The following ANKAR variants were observed in gnomAD, a reference collection of about 807,000 sequenced individuals.
ANKAR encodes the protein ankyrin and armadillo repeat-containing protein.
ANKAR carries 136 observed loss-of-function variants against 146.2 expected under a neutral mutation model. The ratio of observed to expected loss-of-function variants is 0.93; its 90% CI spans 0.81 to 1.07. The LOEUF (loss-of-function observed/expected upper bound fraction) is 1.07, where lower values mean the gene tolerates loss of function less well. Ranked by LOEUF, ANKAR falls within the 50% of genes least tolerant of loss-of-function variation. The pLI is 0.00. For missense variants in ANKAR, 1,567 were observed against 1,679.9 expected (o/e 0.93, Z 1.18); for synonymous variants, 500 against 575.8 (o/e 0.87, Z 1.88).
rs62185873 is a variant in ANKAR at position 189,704,230 on chromosome 2, C to T, written c.1709-793C>T. 6.0e-3 allele frequency among the ~76,000 whole-genome samples: 904 copies of T among 151,796 alleles called. 1 individual carries two copies. Among genetic ancestry groups the T allele is most frequent in the Non-Finnish European group, 0.01 (703 of 67,910 alleles). On this transcript the variant is annotated intron_variant, in intron 7 of 22. Transcript: ENST00000684021. ...GATCTCTGCTCACTACAACCTCCGC[C>T]TCCCAGGCTCAAGCGATTCTCCTGC...
downstream of ANKAR, chr2:189,761,748 A>G (rs1294219451): frequency 3.7e-6 from 5 of 1,338,896 alleles, no homozygotes; most frequent in African/African-American, 4.5e-5. Context: ...GAATTACAGG[A>G]AAGTTTGTAA....
At chr2:189,741,560 A>T in intron 20 of ANKAR, 109 bp downstream of exon 20, 1 of 608,540 alleles carries the variant, frequency 1.6e-6, no homozygotes, top group Non-Finnish European at 2.7e-6. Context: ...TAGATATAAT[A>T]TAATTCTTAT....
At chr2:189,745,622 A>G (rs1005740921) in intron 22 of ANKAR, among the ~76,000 whole-genome samples, 2 of 152,210 alleles carry the variant, frequency 1.3e-5, no homozygotes, top group African/African-American at 4.8e-5. Context: ...TTAATTTCAC[A>G]TATCTGCTTA....
rs151026478 is a variant in ANKAR, at chr2:189,683,087, G to A, written c.601+5996G>A. 1.4e-3 allele frequency among the ~76,000 whole-genome samples: 212 copies of A among 152,216 alleles called. 1 individual carries two copies. Among genetic ancestry groups the A allele is most frequent in the African/African-American group, 4.6e-3 (193 of 41,538 alleles). On this transcript the variant is annotated intron_variant, in intron 2 of 22. Coordinates refer to ENST00000684021, the MANE Select transcript of ANKAR (RefSeq NM_001378068.1). ...CTGCCTTGTCCCTCCCACCCTGTAC[G>A]GATACAGCAAGAAGGTACCGTCTAT...
intron 17 of ANKAR, among the ~76,000 whole-genome samples, chr2:189,737,384 A>G (rs968120861): frequency 1.7e-4 from 22 of 127,134 alleles, no homozygotes; most frequent in African/African-American, 6.2e-4. Context: ...TCCTTAAAAT[A>G]TAGTACAATG....
At chr2:189,726,649 C>T (rs774637435) in intron 12 of ANKAR, among the ~76,000 whole-genome samples, 5 of 152,140 alleles carry the variant, frequency 3.3e-5, no homozygotes, top group Non-Finnish European at 5.9e-5. Flanking sequence ...AAGTGCAATA[C>T]ATGGTCCTGG....
intron 3 of ANKAR, among the ~76,000 whole-genome samples, chr2:189,691,682 TATAC>T (rs947376961): frequency 7.4e-5 from 11 of 148,288 alleles, no homozygotes; most frequent in Admixed American, 2.7e-4. Context: ...ATATTGTATA[TATAC>T]ATACATATAT....
downstream of ANKAR, among the ~76,000 whole-genome samples, chr2:189,749,963 A>G (rs2044874733): frequency 6.6e-6 from 1 of 152,128 alleles, no homozygotes; most frequent in Non-Finnish European, 1.5e-5. Flanking sequence ...CTCTACTAAA[A>G]AAACAAAAAA....
At chr2:189,708,242 T>C (rs543009560) in intron 9 of ANKAR, among the ~76,000 whole-genome samples, 1 of 152,356 alleles carries the variant, frequency 6.6e-6, no homozygotes, top group South Asian at 2.1e-4. Flanking sequence ...GTGGTTTTGG[T>C]TACCTGCAGT....
In ANKAR at chr2:189,705,350, T is replaced by C. The variant is rs946478026; in HGVS notation, c.1910+126T>C. 7 of 919,554 alleles carry C rather than the reference T, an allele frequency of 7.6e-6. No individual in the cohort carries two copies. The Admixed American group carries it at 1.0e-4, about 13-fold the overall frequency. The allele number at this position is 919,554 out of a possible 1,614,324, so 57.0% of individuals were successfully genotyped here. A position where few individuals can be genotyped will look rare whatever the true frequency, so the allele number is the denominator to read the frequency against. ...CATGGCTTGCCACACACACTGCCAC[T>C]AAAAGGTGATAGGTGTGGGTGATCT... On this transcript the variant is annotated intron_variant, in intron 8 of 22. Coordinates refer to ENST00000684021, the MANE Select transcript of ANKAR (RefSeq NM_001378068.1).
intron 15 of ANKAR, among the ~76,000 whole-genome samples, chr2:189,729,718 T>TGTGTGTGTGTGTGTGTGTGTG (rs2042236647): frequency 1.7e-4 from 1 of 5,996 alleles, no homozygotes; most frequent in African/African-American, 4.2e-4. Flanking sequence ...GTGTGTGTGG[T>TGTGTGTGTGTGTGTGTGTGTG]GCGGGTGGGG....
intron 7 of ANKAR, 84 bp from the exon 8 acceptor site, chr2:189,704,939 G>A: frequency 1.5e-6 from 2 of 1,302,510 alleles, no homozygotes; most frequent in African/African-American, 2.9e-5. Flanking sequence ...ACTAAGCTCT[G>A]TGGCTGGATA....
intron 18 of ANKAR, chr2:189,752,596 C>A (rs779940229): frequency 1.4e-4 from 213 of 1,570,676 alleles, no homozygotes; most frequent in Non-Finnish European, 1.8e-4. Flanking sequence ...AAGGCAAAAT[C>A]CAGGCTTTGT....
chr2:189,733,207 A>G lies in ANKAR; in HGVS notation c.3401A>G (p.Tyr1134Cys), dbSNP rs760275200. Reference protein sequence around the residue: ...NEGFEYADVLYLLHSTEKDIC... With the variant: ...NEGFEYADVLCLLHSTEKDIC... Reference sequence around the variant, plus strand: ...GGATTTGAATATGCTGATGTCCTTTATCTTCTTCACTCAACAGAAAAGGTA... The same window carrying G: ...GGATTTGAATATGCTGATGTCCTTTGTCTTCTTCACTCAACAGAAAAGGTA... Residue 1134 changes from tyrosine to cysteine, a missense_variant, in exon 17 of 23, where the codon TAT (tyrosine) becomes TGT (cysteine). Physicochemically the swap from Tyr to Cys is radical, Grantham distance 194 (BLOSUM62 -2). Coordinates refer to ENST00000684021, the MANE Select transcript of ANKAR (RefSeq NM_001378068.1). 2 of 1,608,086 alleles carry G rather than the reference A, an allele frequency of 1.2e-6. No individual in the cohort carries two copies. Among genetic ancestry groups the G allele is most frequent in the Non-Finnish European group, 1.7e-6 (2 of 1,177,596 alleles).
intron 8 of ANKAR, among the ~76,000 whole-genome samples, 160 bp downstream of exon 8, chr2:189,705,384 T>C (rs1043444928): frequency 3.9e-5 from 6 of 152,250 alleles, no homozygotes; most frequent in Non-Finnish European, 8.8e-5. Flanking sequence ...CTGAAAGGTA[T>C]GTAAGGCTTA....
intron 22 of ANKAR, among the ~76,000 whole-genome samples, chr2:189,744,990 T>TCTTCTACTA (rs1553536976): frequency 1.9e-4 from 21 of 112,412 alleles, no homozygotes; most frequent in African/African-American, 7.4e-4. Context: ...AAACCCCATC[T>TCTTCTACTA]CTACTACTAC....
intron 2 of ANKAR, 25 bp downstream of exon 2, chr2:189,677,116 A>ATTT (rs61285192): frequency 2.1e-5 from 27 of 1,280,994 alleles, no homozygotes; most frequent in East Asian, 2.7e-5. Flanking sequence ...CACTTCTTAA[A>ATTT]TTTTTTTTTT....
downstream of ANKAR, among the ~76,000 whole-genome samples, chr2:189,751,390 T>C (rs898455772): frequency 6.6e-6 from 1 of 151,744 alleles, no homozygotes; most frequent in Non-Finnish European, 1.5e-5. Context: ...AGCATACATG[T>C]AATTCATATA....
chr2:189,752,565 T>A (rs938246225), intron 18 of ANKAR: 4 of 1,244,002 alleles, frequency 3.2e-6, no homozygotes, highest in Admixed American at 1.9e-5. Context: ...CACCAGAATG[T>A]CAATGAAAAC....
Sources: allele counts gnomAD v4.1 joint callset (sites outside exome capture counted in the v4.1 genomes callset), GRCh38; gene constraint gnomAD v4.1.1; transcripts MANE v1.5; gene names NCBI Gene and HGNC (gene_info 2026-07-23, HGNC 2026-07-21).